HERC4: variants seen among roughly 807,000 people sequenced by gnomAD.
HERC4 encodes the protein probable E3 ubiquitin-protein ligase HERC4.
A neutral mutation model predicts 124.3 loss-of-function variants in HERC4; 28 were observed. The ratio of observed to expected loss-of-function variants is 0.23; its 90% CI spans 0.17 to 0.31. The LOEUF is 0.31. HERC4 is among the 10% of genes least tolerant of loss of function. The pLI is 1.00. For synonymous variants in HERC4, 407 were observed against 421.5 expected (o/e 0.97, Z 0.42); for missense variants, 713 against 1,229.3 (o/e 0.58, Z 6.28).
chr10:68,036,451 T>G (rs1393221521), intron 5 of HERC4, among the ~76,000 whole-genome samples: 2 of 152,032 alleles, frequency 1.3e-5, no homozygotes, highest in Admixed American at 1.3e-4. Flanking sequence ...TTATGTTAGA[T>G]CCACCTACCA....
chr10:68,039,578 T>G, intron 4 of HERC4: 1 of 1,512,160 alleles, frequency 6.6e-7, no homozygotes, highest in Non-Finnish European at 8.9e-7. Context: ...AGTGAAGTTA[T>G]GCTCTTAACT....
intron 3 of HERC4, among the ~76,000 whole-genome samples, chr10:68,050,941 C>T (rs1426354844): frequency 6.6e-6 from 1 of 151,990 alleles, no homozygotes; most frequent in Non-Finnish European, 1.5e-5. Context: ...GCAAAAAAAA[C>T]TCATGCCAAA....
intron 9 of HERC4, among the ~76,000 whole-genome samples, chr10:68,013,291 G>C (rs1260438130): frequency 6.6e-6 from 1 of 152,120 alleles, no homozygotes; most frequent in Non-Finnish European, 1.5e-5. Context: ...AAAATTTTGT[G>C]ATTTGCTTTA....
intron 22 of HERC4, among the ~76,000 whole-genome samples, chr10:67,934,110 C>T (rs1222572350): frequency 6.6e-6 from 1 of 152,180 alleles, no homozygotes; most frequent in East Asian, 1.9e-4. Flanking sequence ...CAACACAGTT[C>T]TATTGTTATT....
intron 7 of HERC4, among the ~76,000 whole-genome samples, chr10:68,027,990 T>TTA (rs55984730): frequency 0.21 from 30,567 of 144,422 alleles, 4,139 homozygotes; most frequent in African/African-American, 0.4. Context: ...ATATTTTTAA[T>TTA]TATATATATA....
At position 67,922,635 on chromosome 10, in the gene HERC4, C is replaced by G. The variant is rs990874370; in HGVS notation, c.*296G>C. The G allele has an allele frequency of 5.4e-6, 1 of 183,778 alleles. No individual in the cohort carries two copies. The highest frequency in any genetic ancestry group is 1.1e-5 in the Non-Finnish European group (1 of 88,516). The allele number at this position is 183,778 out of a possible 1,614,324, so 11.4% of individuals were successfully genotyped here. A position where few individuals can be genotyped will look rare whatever the true frequency, so the allele number is the denominator to read the frequency against. On this transcript the variant is annotated 3_prime_UTR_variant, in exon 25 of 25. Coordinates refer to ENST00000373700, the MANE Select transcript of HERC4 (RefSeq NM_015601.4). ...ATATTTCCATGCACTCACACCAGAT[C>G]ATTTCTGAAATATGCAAACTCTTAA... is the stretch of plus-strand genomic sequence containing the variant.
chr10:68,074,414 G>A (rs984600147), intron 1 of HERC4, among the ~76,000 whole-genome samples: 1 of 152,032 alleles, frequency 6.6e-6, no homozygotes, highest in Admixed American at 6.6e-5. Context: ...ATCAGAACTC[G>A]ATAATTCCCA....
chr10:67,928,267 A>G (rs979669442), intron 23 of HERC4, among the ~76,000 whole-genome samples: 1 of 152,136 alleles, frequency 6.6e-6, no homozygotes, highest in Non-Finnish European at 1.5e-5. Context: ...TATCATTTTC[A>G]TTTTAAGGTG....
chr10:67,987,850 T>C (rs1316176774), intron 15 of HERC4, among the ~76,000 whole-genome samples: 1 of 152,118 alleles, frequency 6.6e-6, no homozygotes, highest in Non-Finnish European at 1.5e-5. Context: ...TATCCCTTTA[T>C]TATTTACCTT....
At chr10:67,978,827 G>C (rs1418251601) in intron 15 of HERC4, among the ~76,000 whole-genome samples, 1 of 152,206 alleles carries the variant, frequency 6.6e-6, no homozygotes, top group Non-Finnish European at 1.5e-5. Flanking sequence ...AAGAGTCTCT[G>C]CCTGGTAATT....
At chr10:68,038,407 A>C (rs1392726774) in intron 4 of HERC4, 1 of 351,508 alleles carries the variant, frequency 2.8e-6, no homozygotes, top group East Asian at 5.1e-5. Context: ...GACAGTATTT[A>C]AGCAAAGTGA....
chr10:68,045,239 C>A (rs1175735433), intron 3 of HERC4, among the ~76,000 whole-genome samples: 3 of 152,112 alleles, frequency 2.0e-5, no homozygotes, highest in Non-Finnish European at 2.9e-5. Context: ...AGGAGACTCG[C>A]TTGAATCTGG....
intron 9 of HERC4, among the ~76,000 whole-genome samples, chr10:68,001,139 G>C (rs567496388): frequency 3.9e-5 from 6 of 152,254 alleles, no homozygotes; most frequent in African/African-American, 1.2e-4. Flanking sequence ...GGGACGTCAA[G>C]GCAGGAGGAT....
At chr10:67,953,365 G>T (rs1302020011) in intron 19 of HERC4, among the ~76,000 whole-genome samples, 2 of 152,092 alleles carry the variant, frequency 1.3e-5, no homozygotes, top group Non-Finnish European at 2.9e-5. Flanking sequence ...TGTACAAAAA[G>T]AACTGAAAAA....
At chr10:68,013,190 TAC>T (rs1339896951) in intron 9 of HERC4, among the ~76,000 whole-genome samples, 1 of 152,228 alleles carries the variant, frequency 6.6e-6, no homozygotes. Context: ...AACTAACATA[TAC>T]ACAGTCTTTT....
chr10:67,992,175 C>T, intron 11 of HERC4, 24 bp downstream of exon 11: 1 of 1,609,212 alleles, frequency 6.2e-7, no homozygotes. Flanking sequence ...AGCCACTGTG[C>T]CTGGCCCAAA....
chr10:67,947,449 A>T (rs1376943222), intron 19 of HERC4, among the ~76,000 whole-genome samples: 1 of 152,234 alleles, frequency 6.6e-6, no homozygotes, highest in East Asian at 1.9e-4. Flanking sequence ...CAGCTCCAAA[A>T]TATATAAGGC....
At chr10:67,999,859 C>CTCTT (rs1468539665) in intron 9 of HERC4, among the ~76,000 whole-genome samples, 2 of 152,114 alleles carry the variant, frequency 1.3e-5, no homozygotes, top group Admixed American at 6.5e-5. Flanking sequence ...AGAATTCCAT[C>CTCTT]TCTTACTAAG....
At position 67,960,407 on chromosome 10, in the gene HERC4, C is replaced by T. The variant is rs186091411; in HGVS notation, c.1927-3431G>A. Among the ~76,000 whole-genome samples the T allele has an allele frequency of 8.6e-5, 13 of 151,738 alleles. No individual in the cohort carries two copies. In the East Asian group the frequency reaches 1.7e-3, roughly 20 times the overall value. On this transcript the variant is annotated intron_variant, in intron 16 of 24. Transcript: ENST00000373700. ...AAGCCTAAAATTTTTTTTTTTGAGA[C>T]GGAGCTTCGATCTTGTTGCCCAGGC...
Sources: gnomAD v4.1 joint callset for allele counts (sites outside exome capture counted in the v4.1 genomes callset) on GRCh38, gnomAD v4.1.1 for gene constraint, MANE v1.5 for transcripts, NCBI Gene and HGNC (gene_info 2026-07-23, HGNC 2026-07-21) for gene names.